The following RGS9 variants were observed in gnomAD, a reference collection of about 807,000 sequenced individuals.
The protein encoded by RGS9 is regulator of G-protein signalling 9.
RGS9 carries 78 observed loss-of-function variants against 102.0 expected under a neutral mutation model. That is an observed-to-expected ratio of 0.76 (90% CI 0.64 to 0.92). The LOEUF (loss-of-function observed/expected upper bound fraction) is 0.92. Among genes scored for constraint, RGS9 ranks in the 40% least tolerant of loss-of-function variants. The probability of loss-of-function intolerance (pLI) is 0.00; values close to 1 mark genes in which losing one functional copy is unlikely to be tolerated. For synonymous variants in RGS9, 353 were observed against 318.6 expected (o/e 1.11, Z -1.15); for missense variants, 833 against 866.1 (o/e 0.96, Z 0.48).
chr17:65,225,382 TG>T lies in RGS9; in HGVS notation c.1789del (p.Ala597ProfsTer28). 6.2e-7 allele frequency: 1 copy of T among 1,611,948 alleles called. No individual in the cohort carries two copies. The highest frequency in any genetic ancestry group is 2.2e-5 in the East Asian group (1 of 44,884). ...RRGCLASPVF[A>X]RLSPKCPAVS... ...GAGGCTGTCTGGCCTCACCTGTCTTTGCCAGGCTCTCACCCAAGTGCCCTGC... is the reference window on the plus strand; with the variant it reads ...GAGGCTGTCTGGCCTCACCTGTCTTTCCAGGCTCTCACCCAAGTGCCCTGC... On this transcript the variant is annotated frameshift_variant, in exon 18 of 19. Coordinates refer to ENST00000262406, the MANE Select transcript of RGS9 (RefSeq NM_003835.4). LOFTEE classifies it high-confidence loss of function.
intron 17 of RGS9, among the ~76,000 whole-genome samples, chr17:65,216,825 G>T (rs1195990721): frequency 6.6e-6 from 1 of 152,154 alleles, no homozygotes; most frequent in East Asian, 1.9e-4. Context: ...GGGGTGCGGG[G>T]ACAGGCAGTA....
intron 1 of RGS9, among the ~76,000 whole-genome samples, chr17:65,146,460 C>T (rs889534645): frequency 1.3e-4 from 20 of 151,752 alleles, no homozygotes; most frequent in African/African-American, 2.4e-4. Flanking sequence ...TGGTGGGGTG[C>T]GCCTGTAGTC....
intron 11 of RGS9, among the ~76,000 whole-genome samples, chr17:65,192,224 C>A (rs1466617191): frequency 1.3e-5 from 2 of 152,144 alleles, no homozygotes; most frequent in Non-Finnish European, 2.9e-5. Flanking sequence ...TCAATATCTT[C>A]TTTTCTGGCT....
At chr17:65,167,835 G>T (rs1289781580) in intron 7 of RGS9, among the ~76,000 whole-genome samples, 1 of 152,084 alleles carries the variant, frequency 6.6e-6, no homozygotes, top group Non-Finnish European at 1.5e-5. Flanking sequence ...TGTCCTGTCC[G>T]GGGGAGTTAG....
At chr17:65,149,221 G>A (rs748698355) in intron 1 of RGS9, among the ~76,000 whole-genome samples, 13 of 151,800 alleles carry the variant, frequency 8.6e-5, no homozygotes, top group Non-Finnish European at 1.8e-4. Flanking sequence ...TGATCCACCC[G>A]CCTTGGCCTC....
chr17:65,218,031 A>G (rs1263461352), intron 17 of RGS9, among the ~76,000 whole-genome samples: 14 of 152,238 alleles, frequency 9.2e-5, no homozygotes, highest in Admixed American at 9.2e-4. Context: ...GTGCTTGACA[A>G]TCACTGTGAG....
rs1184456579 is a variant in RGS9, at chr17:65,180,435, G to A, written c.654+2632G>A. The stretch of plus-strand genomic sequence containing the variant: ...GTGATCTCGGCTCACTGCAACCTCC[G>A]CCTTCCGGGTTGAAGTAACTCCTTG... On this transcript the variant is annotated intron_variant, in intron 9 of 18. Coordinates refer to ENST00000262406, the MANE Select transcript of RGS9 (RefSeq NM_003835.4). Among the ~76,000 whole-genome samples the A allele has an allele frequency of 2.0e-5, 3 of 151,928 alleles. No homozygotes were observed. The South Asian group carries it at 6.2e-4, about 32-fold the overall frequency.
intron 1 of RGS9, among the ~76,000 whole-genome samples, chr17:65,146,044 T>C (rs1366287723): frequency 1.3e-5 from 2 of 152,182 alleles, no homozygotes; most frequent in Non-Finnish European, 2.9e-5. Context: ...TTATTCCTCC[T>C]CTGAAGGTTA....
intron 5 of RGS9, 94 bp downstream of exon 5, chr17:65,160,681 A>T: frequency 1.3e-6 from 2 of 1,482,000 alleles, no homozygotes; most frequent in Non-Finnish European, 1.9e-6. Context: ...TGCTGTCATC[A>T]TGACCTTTCT....
At chr17:65,167,480 G>A (rs751541818) in intron 7 of RGS9, among the ~76,000 whole-genome samples, 3 of 152,110 alleles carry the variant, frequency 2.0e-5, no homozygotes, top group Non-Finnish European at 4.4e-5. Flanking sequence ...GTGATTACAG[G>A]CATGAGCCAC....
At chr17:65,214,659 G>T (rs1445137315) in intron 17 of RGS9, among the ~76,000 whole-genome samples, 2 of 152,196 alleles carry the variant, frequency 1.3e-5, no homozygotes, top group African/African-American at 2.4e-5. Flanking sequence ...GTCAGGAAAA[G>T]GTGCTCCCTC....
chr17:65,177,727 T>C lies in RGS9; in HGVS notation c.583-5T>C, dbSNP rs377099212. 142 of 1,613,614 alleles carry C rather than the reference T, an allele frequency of 8.8e-5. No homozygotes were observed. The highest frequency in any genetic ancestry group is 1.2e-4 in the Non-Finnish European group (136 of 1,179,620). On this transcript the variant is annotated splice_polypyrimidine_tract_variant and splice_region_variant and intron_variant, in intron 8 of 18. Coordinates refer to ENST00000262406, the MANE Select transcript of RGS9 (RefSeq NM_003835.4). Reference sequence around the variant, plus strand: ...ATGACCTTATGTTGTTTTTATTCCATTTAGCCTGGAATGGACAATGTGCTG... The same window carrying C: ...ATGACCTTATGTTGTTTTTATTCCACTTAGCCTGGAATGGACAATGTGCTG...
intron 1 of RGS9, among the ~76,000 whole-genome samples, chr17:65,147,873 G>T (rs1910430680): frequency 1.3e-5 from 2 of 152,036 alleles, no homozygotes; most frequent in Non-Finnish European, 2.9e-5. Flanking sequence ...TTACAGGCAT[G>T]AGCCACTGTG....
chr17:65,226,635 T>A (rs1422753171), intron 18 of RGS9, among the ~76,000 whole-genome samples: 2 of 149,688 alleles, frequency 1.3e-5, no homozygotes, highest in African/African-American at 2.5e-5. Flanking sequence ...TTTTTTGAGA[T>A]GGAGTTTTGC....
chr17:65,226,686 C>T (rs1905698608), intron 18 of RGS9, among the ~76,000 whole-genome samples: 1 of 149,448 alleles, frequency 6.7e-6, no homozygotes, highest in Non-Finnish European at 1.5e-5. Flanking sequence ...AATCTTGGCT[C>T]ACTGCAGTGT....
At chr17:65,214,978 ATG>A (rs1913433331) in intron 17 of RGS9, among the ~76,000 whole-genome samples, 2 of 152,144 alleles carry the variant, frequency 1.3e-5, no homozygotes, top group Non-Finnish European at 2.9e-5. Context: ...AACATTGTTT[ATG>A]TGTCTTTTTC....
In RGS9 at chr17:65,170,784, AC is replaced by A. The variant is rs765882402; in HGVS notation, c.582+2505del. Among the ~76,000 whole-genome samples, 53 of 152,126 alleles carry A rather than the reference AC, an allele frequency of 3.5e-4. No homozygotes were observed. The Middle Eastern group carries it at 0.014, about 39-fold the overall frequency. ...GACTAAAAACTGCTCCCCACATCTA[AC>A]CTCTTTCATGGCTGCTCCCTGAGTG... On this transcript the variant is annotated intron_variant, in intron 8 of 18. Transcript: ENST00000262406.
intron 16 of RGS9, 61 bp from the exon 17 acceptor site, chr17:65,210,427 G>T: frequency 6.4e-7 from 1 of 1,571,112 alleles, no homozygotes; most frequent in Admixed American, 1.7e-5. Flanking sequence ...AAGTGTGACA[G>T]GGTCAGTGTT....
intron 9 of RGS9, chr17:65,188,964 C>A: frequency 2.6e-6 from 1 of 388,788 alleles, no homozygotes; most frequent in Non-Finnish European, 4.7e-6. Flanking sequence ...CTGTATCTCT[C>A]ACTCTACAGA....
Sources: gnomAD v4.1 joint callset for allele counts (sites outside exome capture counted in the v4.1 genomes callset) on GRCh38, gnomAD v4.1.1 for gene constraint, MANE v1.5 for transcripts, NCBI Gene and HGNC (gene_info 2026-07-23, HGNC 2026-07-21) for gene names.